The following SHISAL2B variants were observed in gnomAD, a reference collection of about 807,000 sequenced individuals.
SHISAL2B encodes shisa like 2B, also known as protein shisa-like-2B.
SHISAL2B carries 12 observed loss-of-function variants against 16.5 expected under a neutral mutation model. That is an observed-to-expected ratio of 0.73 (90% CI 0.47 to 1.18). The LOEUF is 1.18. SHISAL2B is among the 50% of genes most tolerant of loss of function. The pLI is 0.00. For missense variants in SHISAL2B, 183 were observed against 193.6 expected (o/e 0.95, Z 0.33); for synonymous variants, 72 against 75.0 (o/e 0.96, Z 0.21).
chr5:64,712,250 G>C (rs1335875521), intron 2 of SHISAL2B, among the ~76,000 whole-genome samples: 1 of 150,894 alleles, frequency 6.6e-6, no homozygotes, highest in Non-Finnish European at 1.5e-5. Context: ...CTTTGTTCTT[G>C]TTGGTTTCAA....
chr5:64,705,760 C>G (rs1010532324), intron 2 of SHISAL2B, among the ~76,000 whole-genome samples: 2 of 152,192 alleles, frequency 1.3e-5, no homozygotes, highest in Admixed American at 1.3e-4. Context: ...AGGTTAACGA[C>G]GTATCCCTGA....
At position 64,690,514 on chromosome 5, in the gene SHISAL2B, C is replaced by A. The variant is rs1580515486; in HGVS notation, c.-110C>A. 2 of 852,208 alleles carry A rather than the reference C, an allele frequency of 2.3e-6. No homozygotes were observed. The highest frequency in any genetic ancestry group is 1.8e-5 in the African/African-American group (1 of 56,138). 52.8% of individuals were successfully genotyped at this position (852,208 alleles called of 1,614,324 possible). ...GCGCCCAGGCAGCCAGAGCCCAGAT[C>A]GGAAGAGCCGAGTCCGGGCAGAGGG... On this transcript the variant is annotated 5_prime_UTR_variant, in exon 1 of 3. Coordinates refer to ENST00000389074, the MANE Select transcript of SHISAL2B (RefSeq NM_001164442.2).
chr5:64,704,066 T>A (rs275834), intron 2 of SHISAL2B, among the ~76,000 whole-genome samples: 25,412 of 151,354 alleles, frequency 0.17, 2,583 homozygotes, highest in Non-Finnish European at 0.23. Flanking sequence ...ATGTGTAGAT[T>A]TTCTACTAAA....
chr5:64,695,676 C>T lies in SHISAL2B; in HGVS notation c.349+12C>T. ...TTCCACTCAAGAAGGTAATCAGTAT[C>T]TATTATTTGTTACCAATTACCTGAA... is the stretch of plus-strand genomic sequence containing the variant. On this transcript the variant is annotated intron_variant, in intron 2 of 2. Transcript: ENST00000389074. 6.7e-7 allele frequency: 1 copy of T among 1,500,604 alleles called. No individual in the cohort carries two copies. The highest frequency in any genetic ancestry group is 1.7e-4 in the Middle Eastern group (1 of 5,840). The allele number at this position is 1,500,604 out of a possible 1,614,324, so 93.0% of individuals were successfully genotyped here. A position where few individuals can be genotyped will look rare whatever the true frequency, so the allele number is the denominator to read the frequency against.
intron 2 of SHISAL2B, among the ~76,000 whole-genome samples, chr5:64,715,515 C>T (rs1393133615): frequency 6.6e-6 from 1 of 151,996 alleles, no homozygotes; most frequent in East Asian, 1.9e-4. Context: ...GAGAGGGAGA[C>T]ACCAGGGAAA....
intron 2 of SHISAL2B, among the ~76,000 whole-genome samples, chr5:64,696,246 A>C (rs1200518224): frequency 6.6e-6 from 1 of 152,204 alleles, no homozygotes; most frequent in Non-Finnish European, 1.5e-5. Flanking sequence ...GCCTGTCTTT[A>C]CCATAATCTC....
Position 64,717,877 on chromosome 5 carries a change from G to C in SHISAL2B, c.350-12G>C. Reference sequence around the variant, plus strand: ...TAATTTCAAATAATTATTTTGTTTTGTGTATCTGCAGGCAAGTCAAATGGA... The same window carrying C: ...TAATTTCAAATAATTATTTTGTTTTCTGTATCTGCAGGCAAGTCAAATGGA... On this transcript the variant is annotated splice_polypyrimidine_tract_variant and intron_variant, in intron 2 of 2. Coordinates refer to ENST00000389074, the MANE Select transcript of SHISAL2B (RefSeq NM_001164442.2). The C allele has an allele frequency of 1.3e-6, 2 of 1,497,770 alleles. No homozygotes were observed. 92.8% of individuals were successfully genotyped at this position (1,497,770 alleles called of 1,614,324 possible).
chr5:64,704,087 A>G (rs997217455), intron 2 of SHISAL2B, among the ~76,000 whole-genome samples: 6 of 152,262 alleles, frequency 3.9e-5, no homozygotes, highest in African/African-American at 1.4e-4. Context: ...TAATAAGGTG[A>G]CTCAGCTAGG....
intron 1 of SHISAL2B, among the ~76,000 whole-genome samples, chr5:64,694,773 T>C (rs1024575829): frequency 3.3e-5 from 5 of 152,248 alleles, no homozygotes; most frequent in South Asian, 2.1e-4. Context: ...AATCAACAAA[T>C]GGCATTTCAC....
At chr5:64,707,305 C>G (rs1164157763) in intron 2 of SHISAL2B, among the ~76,000 whole-genome samples, 1 of 151,974 alleles carries the variant, frequency 6.6e-6, no homozygotes, top group African/African-American at 2.4e-5. Flanking sequence ...TCCTCAAATA[C>G]CTATGAGTTG....
At chr5:64,694,116 G>C (rs968976973) in intron 1 of SHISAL2B, 2 of 455,282 alleles carry the variant, frequency 4.4e-6, no homozygotes, top group Admixed American at 4.7e-5. Context: ...TAATCCCAGA[G>C]AAAGAGCAGA....
chr5:64,698,751 G>A (rs1420363323), intron 2 of SHISAL2B, among the ~76,000 whole-genome samples: 1 of 152,146 alleles, frequency 6.6e-6, no homozygotes, highest in East Asian at 1.9e-4. Context: ...CAGAAAAGTA[G>A]GAGTTTTTGT....
intron 2 of SHISAL2B, among the ~76,000 whole-genome samples, chr5:64,697,171 CAAAT>C (rs762379957): frequency 8.5e-4 from 130 of 152,288 alleles, no homozygotes; most frequent in Admixed American, 1.1e-3. Context: ...CACCCCATAT[CAAAT>C]AAATAGAGGA....
intron 2 of SHISAL2B, among the ~76,000 whole-genome samples, chr5:64,698,160 C>G (rs1170815820): frequency 6.6e-6 from 1 of 152,122 alleles, no homozygotes. Context: ...TAAATTTGTG[C>G]CTAAGAATCA....
At chr5:64,697,525 T>C (rs1741756337) in intron 2 of SHISAL2B, among the ~76,000 whole-genome samples, 1 of 152,178 alleles carries the variant, frequency 6.6e-6, no homozygotes, top group Non-Finnish European at 1.5e-5. Context: ...TTGCAAAGAA[T>C]TGTTAAAACT....
chr5:64,700,119 A>T (rs943471087), intron 2 of SHISAL2B, among the ~76,000 whole-genome samples: 1 of 152,192 alleles, frequency 6.6e-6, no homozygotes, highest in East Asian at 1.9e-4. Flanking sequence ...ACAAAGAAAA[A>T]GATGGCTGTG....
At chr5:64,708,268 CTT>C (rs1741901773) in intron 2 of SHISAL2B, among the ~76,000 whole-genome samples, 1 of 152,152 alleles carries the variant, frequency 6.6e-6, no homozygotes, top group Non-Finnish European at 1.5e-5. Context: ...AAATATGTCT[CTT>C]TTGCACTTCT....
Position 64,690,618 on chromosome 5 carries a change from C to T in SHISAL2B, c.-6C>T. Reference sequence around the variant, plus strand: ...CCTCGCGAGCCTCTCCCGGCCCCTGCCCGCGATGAGCGAGGCCAGCCGACT... The same window carrying T: ...CCTCGCGAGCCTCTCCCGGCCCCTGTCCGCGATGAGCGAGGCCAGCCGACT... On this transcript the variant is annotated 5_prime_UTR_variant, in exon 1 of 3. Transcript: ENST00000389074. 3 of 1,482,790 alleles carry T rather than the reference C, an allele frequency of 2.0e-6. No homozygotes were observed. Among genetic ancestry groups the T allele is most frequent in the Non-Finnish European group, 2.7e-6 (3 of 1,115,282 alleles). The allele number at this position is 1,482,790 out of a possible 1,614,324, so 91.9% of individuals were successfully genotyped here. A position where few individuals can be genotyped will look rare whatever the true frequency, so the allele number is the denominator to read the frequency against.
At position 64,690,712 on chromosome 5, in the gene SHISAL2B, G is replaced by C. The variant is rs1196184295; in HGVS notation, c.89G>C (p.Gly30Ala). ...TTCCAGTGCCCCCGGCGCGGCGAGG[G>C]GGCAGCGCTCCAGTATTGCTGCGGC... ...EPFQCPRRGE[G>A]AALQYCCGFA... The change falls in exon 1 of 3, where the codon GGG becomes GCG. Residue 30 changes from glycine (G) to alanine (A), a missense_variant. By Grantham distance (60) the Gly-to-Ala change is moderately conservative. Transcript: ENST00000389074. 1 of 1,535,826 alleles carries C rather than the reference G, an allele frequency of 6.5e-7. No individual in the cohort carries two copies. The highest frequency in any genetic ancestry group is 2.4e-5 in the East Asian group (1 of 40,832).
Sources: allele counts gnomAD v4.1 joint callset (sites outside exome capture counted in the v4.1 genomes callset), GRCh38; gene constraint gnomAD v4.1.1; transcripts MANE v1.5; gene names NCBI Gene and HGNC (gene_info 2026-07-23, HGNC 2026-07-21).